The following TFAP2B variants were observed in gnomAD, a reference collection of about 807,000 sequenced individuals.
TFAP2B encodes transcription factor AP-2-beta.
A neutral mutation model predicts 44.3 loss-of-function variants in TFAP2B; 9 were observed. The ratio of observed to expected loss-of-function variants is 0.20; its 90% confidence interval spans 0.12 to 0.35. TFAP2B has a LOEUF of 0.35. Among genes scored for constraint, TFAP2B ranks in the 10% least tolerant of loss-of-function variants. The probability of loss-of-function intolerance (pLI) is 1.00; values close to 1 mark genes in which losing one functional copy is unlikely to be tolerated. For missense variants in TFAP2B, 509 were observed against 600.0 expected, an observed-to-expected ratio of 0.85 and a Z score of 1.59; for synonymous variants, 270 against 263.8, an observed-to-expected ratio of 1.02 and a Z score of -0.23.
Position 50,836,176 on chromosome 6 carries a change from G to A in TFAP2B, c.717G>A (p.Leu239=). Residue 239 remains leucine (L), a synonymous_variant, in exon 4 of 7, where the codon CTG becomes CTA. Transcript: ENST00000393655. ...GCTCCGTCCCAGGCCGTTTGTCTCT[G>A]CTCAGTTCAACTTCGAAGTACAAAG... ...VFCSVPGRLS[L]LSSTSKYKVT... is the part of the protein sequence containing the mutation. The A allele has an allele frequency of 6.2e-7, 1 of 1,614,052 alleles. No individual in the cohort carries two copies. Among genetic ancestry groups the A allele is most frequent in the Non-Finnish European group, 8.5e-7 (1 of 1,180,036 alleles).
intron 2 of TFAP2B, among the ~76,000 whole-genome samples, chr6:50,826,276 G>A (rs1770501076): frequency 1.3e-5 from 2 of 152,122 alleles, no homozygotes; most frequent in African/African-American, 4.8e-5. Flanking sequence ...CAAGGACCTC[G>A]TGTGTGTTCC....
In TFAP2B at chr6:50,836,251, T is replaced by A; in HGVS notation, c.792T>A (p.Asn264Lys). The A allele has an allele frequency of 6.2e-7, 1 of 1,612,512 alleles. No individual in the cohort carries two copies. Among genetic ancestry groups the A allele is most frequent in the Non-Finnish European group, 8.5e-7 (1 of 1,179,968 alleles). ...GGCTGTCGCCCCCTGAATGCCTCAA[T>A]GCATCTCTCCTCGGCGGAGTCCTCA... ...QRRLSPPECL[N>K]ASLLGGVLRR... Residue 264 changes from asparagine to lysine, a missense_variant, in exon 4 of 7, where the codon AAT (asparagine) becomes AAA (lysine). Around this residue, in one of 3 missense-constraint regions of TFAP2B, gnomAD observed 45 missense variants for 108.6 expected, o/e 0.41. Transcript: ENST00000393655.
intron 1 of TFAP2B, 111 bp downstream of exon 1, chr6:50,819,083 C>T (rs1561955869): frequency 8.9e-7 from 1 of 1,124,366 alleles, no homozygotes; most frequent in African/African-American, 1.6e-5. Flanking sequence ...GATTTCCGGT[C>T]GGTTTTCTCA....
rs747616212 is a variant in TFAP2B, at chr6:50,840,136, T to C, written c.941-20T>C. On this transcript the variant is annotated intron_variant, in intron 5 of 6. Transcript: ENST00000393655. Reference sequence around the variant, plus strand: ...TAGGGCCTGGGTGCTGATTATTACCTTTACTGCTGTCTTTTTCAGGAGAAG... The same window carrying C: ...TAGGGCCTGGGTGCTGATTATTACCCTTACTGCTGTCTTTTTCAGGAGAAG... 1 of 1,613,882 alleles carries C rather than the reference T, an allele frequency of 6.2e-7. No individual in the cohort carries two copies.
At position 50,846,099 on chromosome 6, in the gene TFAP2B, G is replaced by A. The variant is rs1401996623; in HGVS notation, c.*2707G>A. On this transcript the variant is annotated 3_prime_UTR_variant, in exon 7 of 7. Transcript: ENST00000393655. ...TCACAATCCTAAAGCGGGGAGATGG[G>A]ATGGGAATTGTCTTACTTGGCAAGG... 6.5e-6 allele frequency: 1 copy of A among 152,718 alleles called. No individual in the cohort carries two copies. The highest frequency in any genetic ancestry group is 1.5e-5 in the Non-Finnish European group (1 of 68,098). The allele number at this position is 152,718 out of a possible 1,614,324, so 9.5% of individuals were successfully genotyped here.
In TFAP2B at chr6:50,840,156, G is replaced by A; in HGVS notation, c.941G>A (p.Gly314Glu). 3 of 1,614,074 alleles carry A rather than the reference G, an allele frequency of 1.9e-6. No homozygotes were observed. The highest frequency in any genetic ancestry group is 2.5e-6 in the Non-Finnish European group (3 of 1,180,038). The change falls in exon 6 of 7, where the codon GGA becomes GAA. Residue 314 changes from glycine to glutamate, a missense_variant and splice_region_variant. Gly to Glu is a moderately conservative substitution (Grantham distance 98). This residue lies in a region of TFAP2B where 45 missense variants were observed against 108.6 expected (regional missense o/e 0.41). Transcript: ENST00000393655. The stretch of plus-strand genomic sequence containing the variant: ...TTACCTTTACTGCTGTCTTTTTCAG[G>A]AGAAGCTGTTCACTTAGCTAGGGAT... ...NVTLLTSLVE[G>E]EAVHLARDFG...
At chr6:50,819,847 AGGTGGG>A (rs1248343511) in intron 1 of TFAP2B, among the ~76,000 whole-genome samples, 25 of 113,486 alleles carry the variant, frequency 2.2e-4, no homozygotes, top group African/African-American at 9.3e-4. Context: ...GAGGCGGGCG[AGGTGGG>A]AGAGGCGGGC....
intron 3 of TFAP2B, among the ~76,000 whole-genome samples, chr6:50,832,168 T>C (rs972051640): frequency 1.3e-5 from 2 of 152,232 alleles, no homozygotes; most frequent in African/African-American, 2.4e-5. Context: ...AGGTTGGACT[T>C]GGATCCCAAT....
chr6:50,844,308 C>T lies in TFAP2B; in HGVS notation c.*916C>T, dbSNP rs1385477049. ...ACTATAGTAAAAAAAAAAAAACACA[C>T]ACACACACAATATGAATACGTTGAT... On this transcript the variant is annotated 3_prime_UTR_variant, in exon 7 of 7. Transcript: ENST00000393655. 6.6e-6 allele frequency: 1 copy of T among 150,658 alleles called. No homozygotes were observed. Among genetic ancestry groups the T allele is most frequent in the African/African-American group, 2.4e-5 (1 of 40,940 alleles). 9.3% of individuals were successfully genotyped at this position (150,658 alleles called of 1,614,324 possible).
At position 50,843,669 on chromosome 6, in the gene TFAP2B, T is replaced by C. The variant is rs1762782043; in HGVS notation, c.*277T>C. On this transcript the variant is annotated 3_prime_UTR_variant, in exon 7 of 7. Transcript: ENST00000393655. ...TCGGTTCTTTCGAGTTTAGTAATAC[T>C]GATAATAAAAGAAAACCATGATTTC... is the stretch of plus-strand genomic sequence containing the variant. 8.1e-6 allele frequency: 3 copies of C among 368,236 alleles called. No individual in the cohort carries two copies. The highest frequency in any genetic ancestry group is 1.5e-5 in the Non-Finnish European group (3 of 206,716). 22.8% of individuals were successfully genotyped at this position (368,236 alleles called of 1,614,324 possible). A position where few individuals can be genotyped will look rare whatever the true frequency, so the allele number is the denominator to read the frequency against.
Position 50,843,215 on chromosome 6 carries a change from G to T in TFAP2B, c.1206G>T (p.Thr402=), listed in dbSNP as rs773080332. 7 of 1,614,018 alleles carry T rather than the reference G, an allele frequency of 4.3e-6. No individual in the cohort carries two copies. Among genetic ancestry groups the T allele is most frequent in the African/African-American group, 1.3e-5 (1 of 74,916 alleles). Residue 402 remains threonine (T), a synonymous_variant, in exon 7 of 7, where the codon ACG becomes ACT. Transcript: ENST00000393655. ...GCCTCACGCACTTCAGCCTCATCAC[G>T]CACGGCTTCGGCGCCCCGGCCATTT... The part of the protein sequence containing the change: ...QSCLTHFSLI[T]HGFGAPAICA...
Position 50,821,186 on chromosome 6 carries a change from T to C in TFAP2B, c.81+2214T>C, listed in dbSNP as rs116569975. ...GGATAAGTTTAGTGTATTTGAAGAT[T>C]GATGGCGTATGTTTTAAATTGAGGT... On this transcript the variant is annotated intron_variant, in intron 1 of 6. Transcript: ENST00000393655. Among the ~76,000 whole-genome samples, 912 of 152,302 alleles carry C rather than the reference T, an allele frequency of 6.0e-3. 11 individuals are homozygous for C. The highest frequency in any genetic ancestry group is 0.02 in the African/African-American group (849 of 41,570).
chr6:50,839,879 A>C (rs1762692046), intron 5 of TFAP2B, among the ~76,000 whole-genome samples: 1 of 152,226 alleles, frequency 6.6e-6, no homozygotes, highest in Non-Finnish European at 1.5e-5. Flanking sequence ...CTTGACAAAA[A>C]GATTAGGGTG....
At chr6:50,818,632 T>C (rs1453619745), upstream of TFAP2B, 3 of 485,212 alleles carry the variant, frequency 6.2e-6, no homozygotes, top group East Asian at 3.6e-5. Flanking sequence ...TATATAACTA[T>C]ATGTGGGTGT....
chr6:50,825,138 TA>T (rs1444741478), intron 2 of TFAP2B, among the ~76,000 whole-genome samples: 3 of 152,214 alleles, frequency 2.0e-5, no homozygotes, highest in Admixed American at 6.5e-5. Context: ...TTCAGTTATT[TA>T]TTTTTTTAAA....
chr6:50,829,668 C>G (rs1279258509), intron 3 of TFAP2B, among the ~76,000 whole-genome samples: 1 of 152,210 alleles, frequency 6.6e-6, no homozygotes, highest in Non-Finnish European at 1.5e-5. Context: ...TTATGATTCA[C>G]TTGAGCCACT....
In TFAP2B at chr6:50,823,718, G is replaced by C. The variant is rs749853349; in HGVS notation, c.393G>C (p.Gln131His). 3 of 1,612,872 alleles carry C rather than the reference G, an allele frequency of 1.9e-6. No homozygotes were observed. Among genetic ancestry groups the C allele is most frequent in the Admixed American group, 3.3e-5 (2 of 59,882 alleles). The change falls in exon 2 of 7, where the codon CAG (glutamine) becomes CAC (histidine). Residue 131 changes from glutamine to histidine, a missense_variant. Gln to His is a conservative substitution (Grantham distance 24). Transcript: ENST00000393655. ...LLPQPRAALP[Q>H]LSGLDPRRDY... Reference sequence around the variant, plus strand: ...CCCAGCCTCGGGCCGCCTTGCCCCAGCTCTCGGGCCTTGACCCCCGGAGGG... The same window carrying C: ...CCCAGCCTCGGGCCGCCTTGCCCCACCTCTCGGGCCTTGACCCCCGGAGGG...
intron 2 of TFAP2B, 127 bp downstream of exon 2, chr6:50,823,992 G>A: frequency 9.7e-7 from 1 of 1,030,604 alleles, no homozygotes; most frequent in South Asian, 1.4e-5. Flanking sequence ...TTTAGAACAG[G>A]ACTAGACAGT....
chr6:50,823,633 A>G lies in TFAP2B; in HGVS notation c.308A>G (p.Gln103Arg). The G allele has an allele frequency of 6.2e-7, 1 of 1,614,062 alleles. No individual in the cohort carries two copies. Among genetic ancestry groups the G allele is most frequent in the South Asian group, 1.1e-5 (1 of 91,076 alleles). ...YSLNPLHQPQ[Q>R]HPWGQRQRQE... ...CTGAACCCACTGCACCAGCCCCAGC[A>G]ACATCCCTGGGGGCAACGGCAGCGG... Residue 103 changes from glutamine (Q) to arginine (R), a missense_variant, in exon 2 of 7, where the codon CAA becomes CGA. Coordinates refer to ENST00000393655, the MANE Select transcript of TFAP2B (RefSeq NM_003221.4).
Sources: gnomAD v4.1 joint callset for allele counts (sites outside exome capture counted in the v4.1 genomes callset) on GRCh38, gnomAD v4.1.1 for gene constraint, gnomAD v4.1.1 regional missense constraint, MANE v1.5 for transcripts, NCBI Gene and HGNC (gene_info 2026-07-23, HGNC 2026-07-21) for gene names.